PLEKHG1: variants seen among roughly 807,000 people sequenced by gnomAD.
PLEKHG1 encodes the protein pleckstrin homology and RhoGEF domain containing G1, also known as pleckstrin homology domain-containing family G member 1.
A neutral mutation model predicts 100.8 loss-of-function variants in PLEKHG1; 44 were observed. That is an observed-to-expected ratio of 0.44 (90% CI 0.34 to 0.56). The LOEUF (loss-of-function observed/expected upper bound fraction) is 0.56, where lower values mean the gene tolerates loss of function less well. Ranked by LOEUF, PLEKHG1 falls within the 20% of genes least tolerant of loss-of-function variation. The probability of loss-of-function intolerance (pLI) is 0.01; values close to 1 mark genes in which losing one functional copy is unlikely to be tolerated. For missense variants in PLEKHG1, 1,545 were observed against 1,720.9 expected, an observed-to-expected ratio of 0.90 and a Z score of 1.81; for synonymous variants, 640 against 662.5, an observed-to-expected ratio of 0.97 and a Z score of 0.52.
At chr6:150,666,468 C>T (rs544337056) in intron 3 of PLEKHG1, among the ~76,000 whole-genome samples, 22 of 152,280 alleles carry the variant, frequency 1.4e-4, no homozygotes, top group Middle Eastern at 3.4e-3. Context: ...TGCTAACTTG[C>T]GTCTGTTTGC....
intron 3 of PLEKHG1, among the ~76,000 whole-genome samples, chr6:150,676,748 T>C (rs2128587503): frequency 6.6e-6 from 1 of 152,208 alleles, no homozygotes; most frequent in Admixed American, 6.5e-5. Flanking sequence ...TGAGAAAAAA[T>C]ACTTAGTGAC....
intron 1 of PLEKHG1, among the ~76,000 whole-genome samples, chr6:150,637,128 T>G (rs544248046): frequency 6.6e-6 from 1 of 152,370 alleles, no homozygotes; most frequent in South Asian, 2.1e-4. Context: ...CACTTATTTC[T>G]TATTTCTATA....
intron 2 of PLEKHG1, among the ~76,000 whole-genome samples, chr6:150,751,690 A>C (rs954795846): frequency 6.6e-5 from 10 of 152,148 alleles, no homozygotes; most frequent in Non-Finnish European, 1.2e-4. Flanking sequence ...GGGTAGGAGG[A>C]GGTGGATGTG....
At chr6:150,828,242 A>G in intron 14 of PLEKHG1, 1 of 1,613,712 alleles carries the variant, frequency 6.2e-7, no homozygotes, top group Non-Finnish European at 8.5e-7. Context: ...ACAAGAGATG[A>G]GTTGGAATGG....
intron 3 of PLEKHG1, among the ~76,000 whole-genome samples, chr6:150,712,866 A>G (rs1781288815): frequency 6.6e-6 from 1 of 152,260 alleles, no homozygotes; most frequent in Admixed American, 6.5e-5. Context: ...CTGTCAACAT[A>G]AAGTTGCTAT....
intron 3 of PLEKHG1, among the ~76,000 whole-genome samples, chr6:150,675,285 C>G (rs1779717928): frequency 6.6e-6 from 1 of 152,176 alleles, no homozygotes; most frequent in Non-Finnish European, 1.5e-5. Flanking sequence ...GGCAAACTTG[C>G]ATGATTGAGG....
chr6:150,697,822 C>G (rs1309349369), intron 3 of PLEKHG1, among the ~76,000 whole-genome samples: 1 of 152,218 alleles, frequency 6.6e-6, no homozygotes, highest in Non-Finnish European at 1.5e-5. Flanking sequence ...ACAAATGTCC[C>G]CACATCACTA....
intron 1 of PLEKHG1, among the ~76,000 whole-genome samples, chr6:150,627,039 G>A (rs572033142): frequency 6.6e-6 from 1 of 152,128 alleles, no homozygotes; most frequent in Non-Finnish European, 1.5e-5. Context: ...GGGGTGTGGC[G>A]TGATCTCTTG....
Position 150,639,256 on chromosome 6 carries a change from T to C in PLEKHG1, c.-158+1131T>C, listed in dbSNP as rs1368839475. On this transcript the variant is annotated intron_variant, in intron 2 of 3. Coordinates refer to the PLEKHG1 transcript ENST00000367326. ...TAGAGGATGGGTATGTTTAAGGGAT[T>C]CAAATAACCCTTATTAATGCATTAA... 2.0e-5 allele frequency among the ~76,000 whole-genome samples: 3 copies of C among 152,230 alleles called. No individual in the cohort carries two copies. The East Asian group carries it at 5.8e-4, about 29-fold the overall frequency.
At chr6:150,785,650 T>C (rs1286192494) in intron 3 of PLEKHG1, among the ~76,000 whole-genome samples, 3 of 152,140 alleles carry the variant, frequency 2.0e-5, no homozygotes, top group African/African-American at 7.2e-5. Flanking sequence ...TGATTTTTCA[T>C]TGAATGCTTG....
chr6:150,706,981 C>CTTTTTTT (rs148489852), intron 3 of PLEKHG1, among the ~76,000 whole-genome samples: 5 of 50,888 alleles, frequency 9.8e-5, no homozygotes, highest in Admixed American at 3.0e-4. Context: ...TTTTTCTTTT[C>CTTTTTTT]TTTTCTTTTT....
chr6:150,730,961 C>G (rs1188875223), intron 1 of PLEKHG1, among the ~76,000 whole-genome samples: 1 of 151,792 alleles, frequency 6.6e-6, no homozygotes, highest in Admixed American at 6.6e-5. Flanking sequence ...CCTCATTGGA[C>G]CCTTGGGATC....
chr6:150,759,051 C>T (rs191484772), intron 2 of PLEKHG1, among the ~76,000 whole-genome samples: 4 of 152,142 alleles, frequency 2.6e-5, no homozygotes, highest in Admixed American at 1.3e-4. Context: ...TTCTGTGGGA[C>T]GAGGTATATA....
intron 1 of PLEKHG1, among the ~76,000 whole-genome samples, chr6:150,608,504 T>C (rs138512651): frequency 0.013 from 2,039 of 152,318 alleles, 20 homozygotes; most frequent in Middle Eastern, 0.027. Context: ...TCATAACAGC[T>C]AGCAATAACT....
chr6:150,670,492 C>T (rs768001506), intron 3 of PLEKHG1, among the ~76,000 whole-genome samples: 5 of 152,234 alleles, frequency 3.3e-5, no homozygotes, highest in African/African-American at 7.2e-5. Flanking sequence ...CCGCAGCATG[C>T]GCTACCAGTA....
At position 150,704,779 on chromosome 6, in the gene PLEKHG1, A is replaced by G. The variant is rs970586988; in HGVS notation, c.-98-28805A>G. 1.6e-4 allele frequency among the ~76,000 whole-genome samples: 25 copies of G among 152,236 alleles called. No homozygotes were observed. In the East Asian group the frequency reaches 1.7e-3, roughly 11 times the overall value. On this transcript the variant is annotated intron_variant, in intron 3 of 3. Coordinates refer to the PLEKHG1 transcript ENST00000367326. ...TTAAATGACAGACATTTATTTTCTC[A>G]TAGTCCTGGTGGTTGTAAGTCCAAG... is the stretch of plus-strand genomic sequence containing the variant.
chr6:150,653,821 C>T (rs1324882943), intron 3 of PLEKHG1, among the ~76,000 whole-genome samples: 2 of 152,060 alleles, frequency 1.3e-5, no homozygotes, highest in Non-Finnish European at 1.5e-5. Flanking sequence ...TATGTCTGCT[C>T]ATCAGAGAGA....
chr6:150,786,488 C>T, intron 4 of PLEKHG1, 29 bp downstream of exon 5: 1 of 1,426,814 alleles, frequency 7.0e-7, no homozygotes, highest in Admixed American at 1.7e-5. Context: ...TCTGGGCCAA[C>T]TGAGACAGAT....
chr6:150,797,053 C>T (rs1432258950), intron 5 of PLEKHG1, among the ~76,000 whole-genome samples: 2 of 151,918 alleles, frequency 1.3e-5, no homozygotes, highest in African/African-American at 4.8e-5. Flanking sequence ...TGCAGTGGCG[C>T]GATCTCAGCT....
Sources: allele counts gnomAD v4.1 joint callset (sites outside exome capture counted in the v4.1 genomes callset), GRCh38; gene constraint gnomAD v4.1.1; transcripts MANE v1.5; gene names NCBI Gene and HGNC (gene_info 2026-07-23, HGNC 2026-07-21).